EFL1: variants seen among roughly 807,000 people sequenced by gnomAD.
The protein encoded by EFL1 is elongation factor like GTPase 1, also known as elongation factor-like GTPase 1.
A neutral mutation model predicts 126.7 loss-of-function variants in EFL1; 76 were observed. The ratio of observed to expected loss-of-function variants is 0.60; its 90% CI spans 0.50 to 0.73. EFL1 has a LOEUF of 0.73. Among genes scored for constraint, EFL1 ranks in the 30% least tolerant of loss-of-function variants. The probability of loss-of-function intolerance (pLI) is 0.00; values close to 1 mark genes in which losing one functional copy is unlikely to be tolerated. For synonymous variants in EFL1, 410 were observed against 448.4 expected (o/e 0.91, Z 1.08); for missense variants, 1,128 against 1,343.2 (o/e 0.84, Z 2.50).
chr15:82,181,018 G>A (rs1340168831), intron 15 of EFL1, among the ~76,000 whole-genome samples: 2 of 152,010 alleles, frequency 1.3e-5, no homozygotes, highest in Admixed American at 6.5e-5. Flanking sequence ...GTGAGCCACC[G>A]CTCCTGGCCT....
At chr15:82,148,749 T>G (rs1248672273) in intron 18 of EFL1, among the ~76,000 whole-genome samples, 1 of 152,204 alleles carries the variant, frequency 6.6e-6, no homozygotes, top group Non-Finnish European at 1.5e-5. Context: ...TGAGAAATTA[T>G]GAATAGTAAG....
At chr15:82,156,464 T>C (rs2073968494) in intron 17 of EFL1, among the ~76,000 whole-genome samples, 1 of 152,134 alleles carries the variant, frequency 6.6e-6, no homozygotes. Context: ...TTTGTATTTT[T>C]AGTAGAGAGG....
intron 15 of EFL1, among the ~76,000 whole-genome samples, chr15:82,179,291 C>T (rs1027203480): frequency 2.0e-5 from 3 of 152,184 alleles, no homozygotes; most frequent in African/African-American, 7.2e-5. Flanking sequence ...CCCAGTACCT[C>T]ATCAGGTAAA....
chr15:82,219,753 A>T lies in EFL1; in HGVS notation c.1510T>A (p.Ser504Thr), dbSNP rs2074689059. 6.2e-7 allele frequency: 1 copy of T among 1,613,868 alleles called. No homozygotes were observed. Among genetic ancestry groups the T allele is most frequent in the South Asian group, 1.1e-5 (1 of 91,076 alleles). ...AACACCCGAGCAAATGCAATAAAAG[A>T]CTCTTGGTTGTTTTCTTCCTGGAGC... ...PVLQEENNQE[S>T]FIAFARVFSG... The change falls in exon 14 of 20, where the codon TCT (serine) becomes ACT (threonine). Residue 504 changes from serine (S) to threonine (T), a missense_variant. Coordinates refer to ENST00000268206, the MANE Select transcript of EFL1 (RefSeq NM_024580.6).
chr15:82,191,384 T>C (rs2074357916), intron 15 of EFL1, among the ~76,000 whole-genome samples: 1 of 152,176 alleles, frequency 6.6e-6, no homozygotes, highest in Non-Finnish European at 1.5e-5. Context: ...ACTATTCTGA[T>C]AGGTATTACT....
chr15:82,216,316 T>A (rs539582943), intron 14 of EFL1, among the ~76,000 whole-genome samples: 3 of 152,324 alleles, frequency 2.0e-5, no homozygotes, highest in African/African-American at 7.2e-5. Flanking sequence ...AATAGGTGTA[T>A]GGACATAAAG....
chr15:82,251,800 A>T (rs1281591350), intron 4 of EFL1, among the ~76,000 whole-genome samples: 1 of 152,230 alleles, frequency 6.6e-6, no homozygotes, highest in Non-Finnish European at 1.5e-5. Flanking sequence ...ATGTAAGTCC[A>T]TTAGGGAAAT....
rs528167479 is a variant in EFL1, at chr15:82,262,181, G to A, written c.-19-384C>T. The A allele has an allele frequency of 1.2e-4, 20 of 162,492 alleles. No individual in the cohort carries two copies. In the South Asian group the frequency reaches 2.6e-3, roughly 21 times the overall value. The allele number at this position is 162,492 out of a possible 1,614,324, so 10.1% of individuals were successfully genotyped here. On this transcript the variant is annotated intron_variant, in intron 1 of 19. Coordinates refer to ENST00000268206, the MANE Select transcript of EFL1 (RefSeq NM_024580.6). ...AGGGAGAGAAAATGCTGAAGAAGAT[G>A]CTCCCTTTCTCTCTTCAGTCTTCCC... is the stretch of plus-strand genomic sequence containing the variant.
chr15:82,168,041 A>G (rs2074097262), intron 15 of EFL1, among the ~76,000 whole-genome samples: 1 of 152,136 alleles, frequency 6.6e-6, no homozygotes, highest in Non-Finnish European at 1.5e-5. Flanking sequence ...TTTGGAAGAG[A>G]GATGAGGATT....
At chr15:82,245,064 G>C (rs1193981924) in intron 4 of EFL1, among the ~76,000 whole-genome samples, 2 of 152,076 alleles carry the variant, frequency 1.3e-5, no homozygotes, top group Non-Finnish European at 2.9e-5. Flanking sequence ...CCTTATGTAT[G>C]AACTTCTAAC....
intron 18 of EFL1, among the ~76,000 whole-genome samples, chr15:82,148,175 C>A (rs1209972014): frequency 6.6e-6 from 1 of 151,790 alleles, no homozygotes; most frequent in Non-Finnish European, 1.5e-5. Context: ...GTCAGGGGTT[C>A]GAGACCAACC....
chr15:82,138,423 A>AT (rs2073745670), intron 19 of EFL1, among the ~76,000 whole-genome samples: 1 of 101,986 alleles, frequency 9.8e-6, no homozygotes, highest in African/African-American at 3.8e-5. Flanking sequence ...AGAGAGAGAG[A>AT]GAGTGTATGT....
chr15:82,165,815 A>T (rs1398177643), intron 15 of EFL1, among the ~76,000 whole-genome samples: 1 of 152,206 alleles, frequency 6.6e-6, no homozygotes, highest in African/African-American at 2.4e-5. Flanking sequence ...TTAACTAATC[A>T]GCACAGGACA....
intron 15 of EFL1, among the ~76,000 whole-genome samples, chr15:82,166,426 G>A (rs1334543527): frequency 6.6e-6 from 1 of 152,134 alleles, no homozygotes; most frequent in Non-Finnish European, 1.5e-5. Flanking sequence ...TATGGAAAAA[G>A]CAATGCTCCA....
chr15:82,221,688 C>T (rs1010896840), intron 12 of EFL1, among the ~76,000 whole-genome samples: 4 of 152,206 alleles, frequency 2.6e-5, no homozygotes, highest in African/African-American at 4.8e-5. Context: ...AATCCTTGAG[C>T]CTGGCTTGGT....
At chr15:82,201,346 C>T (rs1195649930) in intron 15 of EFL1, among the ~76,000 whole-genome samples, 1 of 152,136 alleles carries the variant, frequency 6.6e-6, no homozygotes, top group African/African-American at 2.4e-5. Context: ...AAGCTCTGTG[C>T]TCATCTACAA....
intron 18 of EFL1, among the ~76,000 whole-genome samples, chr15:82,145,716 C>A (rs1341555120): frequency 2.6e-5 from 4 of 151,772 alleles, no homozygotes; most frequent in South Asian, 2.1e-4. Flanking sequence ...TTCCTGTAAT[C>A]CCAGCTACTT....
chr15:82,254,797 A>G (rs2075052898), intron 3 of EFL1, among the ~76,000 whole-genome samples: 1 of 152,220 alleles, frequency 6.6e-6, no homozygotes, highest in Non-Finnish European at 1.5e-5. Context: ...AGGAAGGGTA[A>G]GGGAAAATCA....
chr15:82,251,082 T>C (rs1387147690), intron 4 of EFL1, among the ~76,000 whole-genome samples: 1 of 152,124 alleles, frequency 6.6e-6, no homozygotes, highest in African/African-American at 2.4e-5. Context: ...CACGGTGGCA[T>C]GCATCTGCAA....
Sources: gnomAD v4.1 joint callset for allele counts (sites outside exome capture counted in the v4.1 genomes callset) on GRCh38, gnomAD v4.1.1 for gene constraint, MANE v1.5 for transcripts, NCBI Gene and HGNC (gene_info 2026-07-23, HGNC 2026-07-21) for gene names.